Variants in CNTNAP5 observed in about 807,000 individuals in gnomAD.
CNTNAP5 encodes the protein contactin-associated protein-like 5.
A neutral mutation model predicts 150.2 loss-of-function variants in CNTNAP5; 72 were observed. The ratio of observed to expected loss-of-function variants is 0.48; its 90% confidence interval spans 0.40 to 0.58. The LOEUF (loss-of-function observed/expected upper bound fraction) is 0.58. CNTNAP5 is among the 20% of genes least tolerant of loss of function. CNTNAP5 has a pLI of 0.00. For synonymous variants in CNTNAP5, 672 were observed against 619.8 expected (o/e 1.08, Z -1.25); for missense variants, 1,636 against 1,626.2 (o/e 1.01, Z -0.10).
At chr2:124,353,161 ATTC>A (rs888606464) in intron 3 of CNTNAP5, among the ~76,000 whole-genome samples, 1 of 151,994 alleles carries the variant, frequency 6.6e-6, no homozygotes. Flanking sequence ...ATGTAAGCGA[ATTC>A]TTCTATGAAT....
At chr2:124,598,628 C>A (rs1222351236) in intron 11 of CNTNAP5, among the ~76,000 whole-genome samples, 1 of 150,554 alleles carries the variant, frequency 6.6e-6, no homozygotes, top group Non-Finnish European at 1.5e-5. Flanking sequence ...AGAGGTGGAG[C>A]CTACAGAGGC....
intron 3 of CNTNAP5, among the ~76,000 whole-genome samples, chr2:124,345,216 T>C (rs1288874915): frequency 1.3e-5 from 2 of 152,180 alleles, no homozygotes. Flanking sequence ...GAACATTTTG[T>C]AGAACGTTCC....
chr2:124,794,230 C>T (rs1234651306), intron 18 of CNTNAP5, among the ~76,000 whole-genome samples: 1 of 152,196 alleles, frequency 6.6e-6, no homozygotes, highest in East Asian at 1.9e-4. Context: ...GGCACCACCC[C>T]TGCTCAAGTT....
intron 3 of CNTNAP5, among the ~76,000 whole-genome samples, chr2:124,297,812 TATTA>T (rs1349591410): frequency 4.4e-5 from 3 of 68,062 alleles, no homozygotes; most frequent in Admixed American, 2.3e-4. Flanking sequence ...TCCAATTATT[TATTA>T]TTATTATTAT....
In CNTNAP5 at chr2:124,831,535, A is replaced by G. The variant is rs111258120; in HGVS notation, c.3217+33215A>G. ...CCATCAAAAAACCATATTTTTGCAT[A>G]CTTTGTATATATAATTATATATTAA... is the stretch of plus-strand genomic sequence containing the variant. On this transcript the variant is annotated intron_variant, in intron 19 of 23. Coordinates refer to ENST00000682447, the MANE Select transcript of CNTNAP5 (RefSeq NM_001367498.1). 6.6e-3 allele frequency among the ~76,000 whole-genome samples: 993 copies of G among 150,908 alleles called. 15 individuals carry two copies. Among genetic ancestry groups the G allele is most frequent in the African/African-American group, 0.023 (947 of 41,414 alleles).
At chr2:124,441,311 T>C (rs1331076113) in intron 5 of CNTNAP5, among the ~76,000 whole-genome samples, 1 of 152,038 alleles carries the variant, frequency 6.6e-6, no homozygotes, top group African/African-American at 2.4e-5. Flanking sequence ...AGCGTGAGGA[T>C]TGTGTTTTTA....
intron 19 of CNTNAP5, among the ~76,000 whole-genome samples, chr2:124,858,833 A>G (rs940917993): frequency 1.3e-5 from 2 of 152,048 alleles, no homozygotes; most frequent in South Asian, 4.1e-4. Flanking sequence ...AAGAAAAGAA[A>G]TAATAAAAAC....
At chr2:124,307,328 C>T (rs1688718151) in intron 3 of CNTNAP5, among the ~76,000 whole-genome samples, 1 of 152,120 alleles carries the variant, frequency 6.6e-6, no homozygotes, top group Non-Finnish European at 1.5e-5. Flanking sequence ...TTCTCATGAC[C>T]TAATCTGATC....
chr2:124,763,891 A>T lies in CNTNAP5; in HGVS notation c.2363-86A>T. ...ATCCCTTTTCCCTGCAGTGTGCCCT[A>T]GTCTTGAAAATTATCCACATGTCCA... On this transcript the variant is annotated intron_variant, in intron 15 of 23. Coordinates refer to ENST00000682447, the MANE Select transcript of CNTNAP5 (RefSeq NM_001367498.1). 1.9e-6 allele frequency: 3 copies of T among 1,592,414 alleles called. No homozygotes were observed. In the South Asian group the frequency reaches 3.4e-5, roughly 18 times the overall value.
At chr2:124,779,742 G>T (rs1681407356) in intron 17 of CNTNAP5, among the ~76,000 whole-genome samples, 1 of 152,042 alleles carries the variant, frequency 6.6e-6, no homozygotes, top group Non-Finnish European at 1.5e-5. Context: ...AACTAAAATG[G>T]ACCTGCCCCT....
chr2:124,371,016 G>A (rs761325993), intron 3 of CNTNAP5, among the ~76,000 whole-genome samples: 10 of 152,030 alleles, frequency 6.6e-5, no homozygotes, highest in Non-Finnish European at 1.2e-4. Context: ...AAAGCTTAGC[G>A]GAGACTGTTT....
chr2:124,550,450 T>C (rs1695602097), intron 10 of CNTNAP5, among the ~76,000 whole-genome samples: 2 of 152,214 alleles, frequency 1.3e-5, no homozygotes, highest in Admixed American at 6.5e-5. Flanking sequence ...TTTCTATTCA[T>C]AGTGGAATCT....
chr2:124,193,288 T>C (rs1454454678), intron 1 of CNTNAP5, among the ~76,000 whole-genome samples: 3 of 152,232 alleles, frequency 2.0e-5, no homozygotes, highest in African/African-American at 2.4e-5. Flanking sequence ...CCTCTTTTTA[T>C]TTAATTTGTT....
At chr2:124,414,020 T>C (rs1474300538) in intron 3 of CNTNAP5, among the ~76,000 whole-genome samples, 3 of 151,966 alleles carry the variant, frequency 2.0e-5, no homozygotes, top group Non-Finnish European at 2.9e-5. Context: ...TTTAGTTGTA[T>C]GTCAAAGTGC....
chr2:124,226,003 TC>T (rs1346998478), intron 2 of CNTNAP5, among the ~76,000 whole-genome samples: 1 of 152,144 alleles, frequency 6.6e-6, no homozygotes, highest in Non-Finnish European at 1.5e-5. Context: ...CAATTTTTTA[TC>T]CCTTTATTGA....
chr2:124,713,929 G>A lies in CNTNAP5; in HGVS notation c.2078-33300G>A, dbSNP rs550588305. Among the ~76,000 whole-genome samples, 6 of 152,102 alleles carry A rather than the reference G, an allele frequency of 3.9e-5. No homozygotes were observed. The East Asian group carries it at 5.8e-4, about 15-fold the overall frequency. ...CTTTCCTTGTTCTCTGTACTTCAACGTTGCCTAATGAATTACAGCCTCCAG... is the reference window on the plus strand; with the variant it reads ...CTTTCCTTGTTCTCTGTACTTCAACATTGCCTAATGAATTACAGCCTCCAG... On this transcript the variant is annotated intron_variant, in intron 13 of 23. Coordinates refer to ENST00000682447, the MANE Select transcript of CNTNAP5 (RefSeq NM_001367498.1).
intron 21 of CNTNAP5, among the ~76,000 whole-genome samples, chr2:124,901,787 G>T (rs746768064): frequency 1.3e-5 from 2 of 152,020 alleles, no homozygotes; most frequent in East Asian, 1.9e-4. Flanking sequence ...AGTTTACATG[G>T]GTGTTGATGG....
intron 8 of CNTNAP5, among the ~76,000 whole-genome samples, chr2:124,510,315 A>C (rs367890795): frequency 1.9e-5 from 2 of 104,592 alleles, no homozygotes; most frequent in African/African-American, 7.1e-5. Context: ...ATATATATCT[A>C]TATATCTATC....
intron 2 of CNTNAP5, among the ~76,000 whole-genome samples, chr2:124,232,797 T>C (rs1007390171): frequency 1.3e-5 from 2 of 152,150 alleles, no homozygotes; most frequent in Admixed American, 6.5e-5. Flanking sequence ...GAATCTTTTC[T>C]ACAAAAAATA....
Sources: gnomAD v4.1 joint callset for allele counts (sites outside exome capture counted in the v4.1 genomes callset) on GRCh38, gnomAD v4.1.1 for gene constraint, MANE v1.5 for transcripts, NCBI Gene and HGNC (gene_info 2026-07-23, HGNC 2026-07-21) for gene names.